The following FBXL7 variants were observed in gnomAD, a reference collection of about 807,000 sequenced individuals.
FBXL7 encodes the protein F-box/LRR-repeat protein 7.
A neutral mutation model predicts 38.3 loss-of-function variants in FBXL7; 12 were observed. The observed-to-expected ratio is 0.31, with a 90% confidence interval of 0.20 to 0.51. FBXL7 has a LOEUF of 0.51. Ranked by LOEUF, FBXL7 falls within the 20% of genes least tolerant of loss-of-function variation. FBXL7 has a pLI of 0.98. For synonymous variants in FBXL7, 297 were observed against 300.9 expected (o/e 0.99, Z 0.13); for missense variants, 567 against 676.4 (o/e 0.84, Z 1.79).
intron 2 of FBXL7, among the ~76,000 whole-genome samples, chr5:15,624,403 T>C (rs1219459374): frequency 6.6e-6 from 1 of 152,216 alleles, no homozygotes; most frequent in Non-Finnish European, 1.5e-5. Flanking sequence ...GTCCTGAGAA[T>C]CCTCGCCTGC....
At chr5:15,736,545 G>A (rs958386746) in intron 2 of FBXL7, among the ~76,000 whole-genome samples, 3 of 152,074 alleles carry the variant, frequency 2.0e-5, no homozygotes, top group African/African-American at 7.2e-5. Flanking sequence ...ACGTAAAATA[G>A]CAACTATACA....
chr5:15,504,615 C>T (rs532791611), intron 1 of FBXL7, among the ~76,000 whole-genome samples: 24 of 152,258 alleles, frequency 1.6e-4, no homozygotes, highest in African/African-American at 5.8e-4. Context: ...GGATTTTACT[C>T]CAGGGATAAA....
chr5:15,918,012 G>T (rs1027394354), intron 2 of FBXL7, among the ~76,000 whole-genome samples: 1 of 152,104 alleles, frequency 6.6e-6, no homozygotes, highest in African/African-American at 2.4e-5. Flanking sequence ...GCTGAGGCGG[G>T]CAGATCACTT....
intron 1 of FBXL7, among the ~76,000 whole-genome samples, chr5:15,615,268 T>C (rs547192302): frequency 1.1e-3 from 166 of 152,312 alleles, no homozygotes; most frequent in African/African-American, 3.9e-3. Context: ...CTTGGTACCA[T>C]TGACATTTGG....
At chr5:15,602,965 C>T (rs1482779914) in intron 1 of FBXL7, among the ~76,000 whole-genome samples, 2 of 152,160 alleles carry the variant, frequency 1.3e-5, no homozygotes, top group Non-Finnish European at 2.9e-5. Flanking sequence ...TCCCAACTAG[C>T]TAGGACTACA....
intron 2 of FBXL7, among the ~76,000 whole-genome samples, chr5:15,747,232 T>C (rs1736039297): frequency 6.6e-6 from 1 of 152,208 alleles, no homozygotes; most frequent in Admixed American, 6.5e-5. Flanking sequence ...ACTGTAATAA[T>C]GAAATACCAG....
In FBXL7 at chr5:15,832,071, G is replaced by GT. The variant is rs1351164834; in HGVS notation, c.128-95817dup. 3.9e-5 allele frequency among the ~76,000 whole-genome samples: 6 copies of GT among 152,200 alleles called. No homozygotes were observed. The East Asian group carries it at 1.2e-3, about 30-fold the overall frequency. The stretch of plus-strand genomic sequence containing the variant: ...CTCTAAATACTTTATTTAGACTCTG[G>GT]TTAATGGAACCTACACATCTGGGAA... On this transcript the variant is annotated intron_variant, in intron 2 of 3. Coordinates refer to ENST00000504595, the MANE Select transcript of FBXL7 (RefSeq NM_012304.5).
intron 1 of FBXL7, among the ~76,000 whole-genome samples, chr5:15,588,951 GTTTTC>G (rs1415679066): frequency 1.3e-5 from 2 of 152,002 alleles, no homozygotes; most frequent in Non-Finnish European, 2.9e-5. Context: ...CAGCTAATCT[GTTTTC>G]TTTATGTAGA....
chr5:15,644,167 A>G (rs999769653), intron 2 of FBXL7, among the ~76,000 whole-genome samples: 1 of 152,074 alleles, frequency 6.6e-6, no homozygotes, highest in African/African-American at 2.4e-5. Context: ...CAATGTTAAA[A>G]TGATAATGAC....
intron 1 of FBXL7, 51 bp from the exon 2 acceptor site, chr5:15,615,932 C>A: frequency 7.9e-7 from 1 of 1,272,536 alleles, no homozygotes; most frequent in Non-Finnish European, 1.1e-6. Flanking sequence ...AAGGCATGGT[C>A]CAGGTCTGAA....
intron 1 of FBXL7, among the ~76,000 whole-genome samples, chr5:15,545,288 T>A (rs767698203): frequency 1.4e-4 from 22 of 152,218 alleles, no homozygotes; most frequent in Non-Finnish European, 2.8e-4. Flanking sequence ...CTTTACTAGT[T>A]CTCCTAAGTT....
intron 2 of FBXL7, among the ~76,000 whole-genome samples, chr5:15,684,035 T>C (rs1742933490): frequency 6.6e-6 from 1 of 152,202 alleles, no homozygotes; most frequent in Non-Finnish European, 1.5e-5. Context: ...TTGATTGAGA[T>C]GATTATTTAG....
chr5:15,611,310 A>G (rs924611019), intron 1 of FBXL7, among the ~76,000 whole-genome samples: 1 of 128,046 alleles, frequency 7.8e-6, no homozygotes, highest in African/African-American at 2.9e-5. Context: ...ATGTTTTGCC[A>G]CTTTTTTTTT....
Position 15,706,409 on chromosome 5 carries a change from C to T in FBXL7, c.127+90337C>T, listed in dbSNP as rs140350223. On this transcript the variant is annotated intron_variant, in intron 2 of 3. Coordinates refer to ENST00000504595, the MANE Select transcript of FBXL7 (RefSeq NM_012304.5). ...TGAGGCCTCCCCAGAAGCTGAGCAA[C>T]GTCAGTGCTATGCTTCCTGCAGAGC... 1.6e-4 allele frequency among the ~76,000 whole-genome samples: 24 copies of T among 152,294 alleles called. No homozygotes were observed. The East Asian group carries it at 4.2e-3, about 27-fold the overall frequency.
intron 2 of FBXL7, among the ~76,000 whole-genome samples, chr5:15,815,673 T>G (rs533534485): frequency 1.3e-5 from 2 of 152,186 alleles, no homozygotes; most frequent in Non-Finnish European, 2.9e-5. Flanking sequence ...ACTCAATTAT[T>G]TTCATCACCT....
Position 15,928,366 on chromosome 5 carries a change from C to G in FBXL7, c.604C>G (p.Arg202Gly), listed in dbSNP as rs765407331. The change falls in exon 3 of 4, where the codon CGA (arginine) becomes GGA (glycine). Residue 202 changes from arginine to glycine, a missense_variant. Arg to Gly is a moderately radical substitution (Grantham distance 125). Transcript: ENST00000504595. This position sits in a 1 kb window ranked among gnomAD's most constrained non-coding sequence, Gnocchi z 4.0. ...TVSGCRRLTD[R>G]GLYTIAQCCP... ...CAGTGGCTGCAGGCGGCTCACAGAC[C>G]GAGGGCTGTACACCATCGCCCAGTG... 10 of 1,613,880 alleles carry G rather than the reference C, an allele frequency of 6.2e-6. No individual in the cohort carries two copies. Among genetic ancestry groups the G allele is most frequent in the Middle Eastern group, 1.6e-4 (1 of 6,084 alleles).
chr5:15,622,338 C>T (rs1281811175), intron 2 of FBXL7, among the ~76,000 whole-genome samples: 1 of 150,932 alleles, frequency 6.6e-6, no homozygotes, highest in Non-Finnish European at 1.5e-5. Flanking sequence ...GCACAATGTG[C>T]AGGTTTGTTA....
At chr5:15,605,710 A>G (rs146087154) in intron 1 of FBXL7, among the ~76,000 whole-genome samples, 20 of 152,336 alleles carry the variant, frequency 1.3e-4, no homozygotes, top group African/African-American at 4.6e-4. Flanking sequence ...TTATATCCTT[A>G]CAACAATTAC....
At chr5:15,673,535 G>A (rs1358642123) in intron 2 of FBXL7, among the ~76,000 whole-genome samples, 24 of 152,186 alleles carry the variant, frequency 1.6e-4, no homozygotes, top group African/African-American at 4.8e-5. Context: ...TTAAGCAGGC[G>A]TTATTCTTCC....
Sources: allele counts gnomAD v4.1 joint callset (sites outside exome capture counted in the v4.1 genomes callset), GRCh38; gene constraint gnomAD v4.1.1; non-coding constraint Gnocchi (gnomAD v3.1); transcripts MANE v1.5; gene names NCBI Gene and HGNC (gene_info 2026-07-23, HGNC 2026-07-21).